Variants in DERA observed in about 807,000 individuals in gnomAD.
The protein encoded by DERA is 2-deoxy-D-ribose 5-phosphate aldolase.
A neutral mutation model predicts 41.1 loss-of-function variants in DERA; 15 were observed. The observed-to-expected ratio is 0.37, with a 90% confidence interval of 0.24 to 0.56. DERA has a LOEUF of 0.56. Ranked by LOEUF, DERA falls within the 20% of genes least tolerant of loss-of-function variation. The pLI, the probability that DERA is intolerant of heterozygous loss-of-function variation, is 0.81. For missense variants in DERA, 396 were observed against 403.4 expected (o/e 0.98, Z 0.16); for synonymous variants, 139 against 137.4 (o/e 1.01, Z -0.08).
intron 6 of DERA, among the ~76,000 whole-genome samples, 183 bp from the exon 7 acceptor site, chr12:16,032,359 G>A (rs1330574173): frequency 6.6e-6 from 1 of 152,074 alleles, no homozygotes; most frequent in African/African-American, 2.4e-5. Flanking sequence ...GATGGTAAGG[G>A]GGAAAAAGTA....
At chr12:16,018,927 G>T (rs1002256754) in intron 6 of DERA, among the ~76,000 whole-genome samples, 4 of 151,924 alleles carry the variant, frequency 2.6e-5, no homozygotes, top group African/African-American at 9.7e-5. Flanking sequence ...GAAATTGTGG[G>T]CACTGATGAA....
rs1163577728 is a variant in DERA, at chr12:15,921,222, C to A, written c.31+9808C>A. On this transcript the variant is annotated intron_variant, in intron 1 of 8. Transcript: ENST00000428559. The surrounding 1 kb of genome is among the most constrained non-coding windows in gnomAD (Gnocchi z 5.3). ...TCGGGGTGACGTAGTGAAGTAAGTGCATATATCTGAAAAGTGCACTGTGTC... is the reference window on the plus strand; with the variant it reads ...TCGGGGTGACGTAGTGAAGTAAGTGAATATATCTGAAAAGTGCACTGTGTC... 6.6e-6 allele frequency among the ~76,000 whole-genome samples: 1 copy of A among 152,054 alleles called. No homozygotes were observed. Among genetic ancestry groups the A allele is most frequent in the Non-Finnish European group, 1.5e-5 (1 of 67,996 alleles).
In DERA at chr12:15,996,368, G is replaced by A. The variant is rs1236947483; in HGVS notation, c.637+13932G>A. On this transcript the variant is annotated intron_variant, in intron 6 of 8. Coordinates refer to ENST00000428559, the MANE Select transcript of DERA (RefSeq NM_015954.4). The surrounding 1 kb of genome is among the most constrained non-coding windows in gnomAD (Gnocchi z 4.7). ...TGGAGGCCAGAAGCCCGCAGTCAGG[G>A]TGTCAGCAGGCTTATGCTCCCTCTG... Among the ~76,000 whole-genome samples, 1 of 152,106 alleles carries A rather than the reference G, an allele frequency of 6.6e-6. No homozygotes were observed. The highest frequency in any genetic ancestry group is 1.5e-5 in the Non-Finnish European group (1 of 68,026).
At position 15,994,243 on chromosome 12, in the gene DERA, C is replaced by T. The variant is rs1249715929; in HGVS notation, c.637+11807C>T. Among the ~76,000 whole-genome samples the T allele has an allele frequency of 6.6e-6, 1 of 152,160 alleles. No homozygotes were observed. The highest frequency in any genetic ancestry group is 1.5e-5 in the Non-Finnish European group (1 of 68,040). On this transcript the variant is annotated intron_variant, in intron 6 of 8. Transcript: ENST00000428559. This position sits in a 1 kb window ranked among gnomAD's most constrained non-coding sequence, Gnocchi z 4.8. ...GCATCAATGATATATCTGTAATCAA[C>T]TTGTATAGAAACCAATTTTTAAATA...
intron 1 of DERA, among the ~76,000 whole-genome samples, chr12:15,933,017 T>C (rs1039519244): frequency 6.6e-6 from 1 of 152,246 alleles, no homozygotes; most frequent in African/African-American, 2.4e-5. Context: ...TTTTCAAGGC[T>C]GAATAGTATT....
At position 15,989,693 on chromosome 12, in the gene DERA, C is replaced by G. The variant is rs1173813103; in HGVS notation, c.637+7257C>G. On this transcript the variant is annotated intron_variant, in intron 6 of 8. Coordinates refer to ENST00000428559, the MANE Select transcript of DERA (RefSeq NM_015954.4). The surrounding 1 kb of genome is among the most constrained non-coding windows in gnomAD (Gnocchi z 5.2). ...TAGAATCAGAATCTCAAAGGGAAACCATTTGTCATTACATTCATAACAATT... is the reference window on the plus strand; with the variant it reads ...TAGAATCAGAATCTCAAAGGGAAACGATTTGTCATTACATTCATAACAATT... 6.6e-6 allele frequency among the ~76,000 whole-genome samples: 1 copy of G among 152,122 alleles called. No homozygotes were observed. Among genetic ancestry groups the G allele is most frequent in the African/African-American group, 2.4e-5 (1 of 41,406 alleles).
chr12:15,929,628 C>T (rs779631717), intron 1 of DERA, among the ~76,000 whole-genome samples: 25 of 152,128 alleles, frequency 1.6e-4, no homozygotes, highest in East Asian at 1.2e-3. Flanking sequence ...TATTTAAGCA[C>T]AGAAAAAGGC....
At chr12:15,923,224 G>A (rs1384710529) in intron 1 of DERA, among the ~76,000 whole-genome samples, 4 of 151,138 alleles carry the variant, frequency 2.6e-5, no homozygotes, top group African/African-American at 9.7e-5. Context: ...GGGTTTCACC[G>A]TTTTAGCCGG....
At position 16,010,622 on chromosome 12, in the gene DERA, CAGA is replaced by C. The variant is rs1948941205; in HGVS notation, c.638-21917_638-21915del. Among the ~76,000 whole-genome samples, 1 of 151,898 alleles carries C rather than the reference CAGA, an allele frequency of 6.6e-6. No individual in the cohort carries two copies. The highest frequency in any genetic ancestry group is 6.6e-5 in the Admixed American group (1 of 15,230). On this transcript the variant is annotated intron_variant, in intron 6 of 8. Coordinates refer to ENST00000428559, the MANE Select transcript of DERA (RefSeq NM_015954.4). The surrounding 1 kb of genome is among the most constrained non-coding windows in gnomAD (Gnocchi z 5.5). Reference sequence around the variant, plus strand: ...TTTTAATGTGAAAATTGTTTATGAACAGAAGGAGAGAGGCTGCATTGTCTCTAT... The same window carrying C: ...TTTTAATGTGAAAATTGTTTATGAACAGGAGAGAGGCTGCATTGTCTCTAT...
In DERA at chr12:15,976,609, TC is replaced by T. The variant is rs1454040250; in HGVS notation, c.509-5698del. Among the ~76,000 whole-genome samples, 11 of 152,232 alleles carry T rather than the reference TC, an allele frequency of 7.2e-5. No homozygotes were observed. Among genetic ancestry groups the T allele is most frequent in the Non-Finnish European group, 1.5e-5 (1 of 68,038 alleles). ...CTTTCTAAATCAACAAGAGGCTCTT[TC>T]ATCTTAATTATAACAGCTTAAACTT... On this transcript the variant is annotated intron_variant, in intron 5 of 8. Coordinates refer to ENST00000428559, the MANE Select transcript of DERA (RefSeq NM_015954.4). The surrounding 1 kb of genome is among the most constrained non-coding windows in gnomAD (Gnocchi z 4.1).
At position 15,971,904 on chromosome 12, in the gene DERA, G is replaced by C. The variant is rs1948663458; in HGVS notation, c.508+8957G>C. On this transcript the variant is annotated intron_variant, in intron 5 of 8. Transcript: ENST00000428559. Reference sequence around the variant, plus strand: ...TTGGAGCACAGTCAATCTTCAGTGAGGGCAGATGTTTCCTAATTAAATTCC... The same window carrying C: ...TTGGAGCACAGTCAATCTTCAGTGACGGCAGATGTTTCCTAATTAAATTCC... 4 of 338,656 alleles carry C rather than the reference G, an allele frequency of 1.2e-5. No individual in the cohort carries two copies. The South Asian group carries it at 1.2e-4, about 10-fold the overall frequency. 21.0% of individuals were successfully genotyped at this position (338,656 alleles called of 1,614,324 possible). A position where few individuals can be genotyped will look rare whatever the true frequency, so the allele number is the denominator to read the frequency against.
intron 5 of DERA, among the ~76,000 whole-genome samples, chr12:15,977,357 T>C (rs895263264): frequency 1.1e-4 from 16 of 152,338 alleles, no homozygotes; most frequent in Admixed American, 9.1e-4. Context: ...AAATACAGTT[T>C]TATTCCACGT....
In DERA at chr12:15,915,137, A is replaced by C. The variant is rs1327436497; in HGVS notation, c.31+3723A>C. On this transcript the variant is annotated intron_variant, in intron 1 of 8. Coordinates refer to ENST00000428559, the MANE Select transcript of DERA (RefSeq NM_015954.4). The surrounding 1 kb of genome is among the most constrained non-coding windows in gnomAD (Gnocchi z 4.8). ...ACAGAGCTATTAATCGGTCTGGTTC[A>C]GGACCTGGACATCAAGCTAGAGCTA... is the stretch of plus-strand genomic sequence containing the variant. 1.3e-5 allele frequency among the ~76,000 whole-genome samples: 2 copies of C among 152,216 alleles called. No homozygotes were observed. The highest frequency in any genetic ancestry group is 4.8e-5 in the African/African-American group (2 of 41,458).
chr12:15,949,416 G>A lies in DERA; in HGVS notation c.32-7520G>A, dbSNP rs1307292015. On this transcript the variant is annotated intron_variant, in intron 1 of 8. Coordinates refer to ENST00000428559, the MANE Select transcript of DERA (RefSeq NM_015954.4). Reference sequence around the variant, plus strand: ...AGCAATGGCAGGCACCCCTCCCCCAGCCTCACTGCCACCTTGTAGTTTGAT... The same window carrying A: ...AGCAATGGCAGGCACCCCTCCCCCAACCTCACTGCCACCTTGTAGTTTGAT... Among the ~76,000 whole-genome samples, 9 of 152,152 alleles carry A rather than the reference G, an allele frequency of 5.9e-5. No individual in the cohort carries two copies. In the East Asian group the frequency reaches 1.7e-3, roughly 29 times the overall value.
intron 7 of DERA, among the ~76,000 whole-genome samples, chr12:16,034,014 G>T (rs545433475): frequency 6.6e-6 from 1 of 152,264 alleles, no homozygotes; most frequent in African/African-American, 2.4e-5. Flanking sequence ...TTGGTCCTCA[G>T]TTGAAACTAC....
rs1948244467 is a variant in DERA, at chr12:15,921,530, T to C, written c.31+10116T>C. On this transcript the variant is annotated intron_variant, in intron 1 of 8. Coordinates refer to ENST00000428559, the MANE Select transcript of DERA (RefSeq NM_015954.4). The surrounding 1 kb of genome is among the most constrained non-coding windows in gnomAD (Gnocchi z 5.3). ...GAAAGTAGGTTGTAACAATTCCTAT[T>C]GTATTTGGTGAAGGAGCTCAAGATC... 6.6e-6 allele frequency among the ~76,000 whole-genome samples: 1 copy of C among 152,298 alleles called. No individual in the cohort carries two copies. Among genetic ancestry groups the C allele is most frequent in the South Asian group, 2.1e-4 (1 of 4,832 alleles).
rs1948625948 is a variant in DERA, at chr12:15,966,738, C to T, written c.508+3791C>T. On this transcript the variant is annotated intron_variant, in intron 5 of 8. Transcript: ENST00000428559. This position sits in a 1 kb window ranked among gnomAD's most constrained non-coding sequence, Gnocchi z 5.1. ...TTGCAAGCTCCTTCACCTCCTCTGT[C>T]ATCCCTGAAGTGTCCATGTTTCTCA... Among the ~76,000 whole-genome samples the T allele has an allele frequency of 6.6e-6, 1 of 152,058 alleles. No individual in the cohort carries two copies. Among genetic ancestry groups the T allele is most frequent in the Admixed American group, 6.5e-5 (1 of 15,270 alleles).
In DERA at chr12:15,993,495, TA is replaced by T. The variant is rs796777302; in HGVS notation, c.637+11067del. 6.7e-6 allele frequency among the ~76,000 whole-genome samples: 1 copy of T among 149,306 alleles called. No individual in the cohort carries two copies. The highest frequency in any genetic ancestry group is 1.5e-5 in the Non-Finnish European group (1 of 67,338). ...GTGTTGTGGCCTTTTTTTTTTTTTT[TA>T]AAAAAAATAAGATCTTGCCTTTCAT... On this transcript the variant is annotated intron_variant, in intron 6 of 8. Coordinates refer to ENST00000428559, the MANE Select transcript of DERA (RefSeq NM_015954.4). The surrounding 1 kb of genome is among the most constrained non-coding windows in gnomAD (Gnocchi z 4.4).
chr12:15,928,323 C>G lies in DERA; in HGVS notation c.31+16909C>G, dbSNP rs1051426517. On this transcript the variant is annotated intron_variant, in intron 1 of 8. Transcript: ENST00000428559. This position sits in a 1 kb window ranked among gnomAD's most constrained non-coding sequence, Gnocchi z 4.6. ...ACCAAAATGAAGGTAGATATGAAAT[C>G]TACAGGTAATCTCTAAGTGTTATTT... is the stretch of plus-strand genomic sequence containing the variant. Among the ~76,000 whole-genome samples, 1 of 152,204 alleles carries G rather than the reference C, an allele frequency of 6.6e-6. No individual in the cohort carries two copies. Among genetic ancestry groups the G allele is most frequent in the African/African-American group, 2.4e-5 (1 of 41,458 alleles).
Sources: gnomAD v4.1 joint callset for allele counts (sites outside exome capture counted in the v4.1 genomes callset) on GRCh38, gnomAD v4.1.1 for gene constraint, Gnocchi (gnomAD v3.1) non-coding constraint, MANE v1.5 for transcripts, NCBI Gene and HGNC (gene_info 2026-07-23, HGNC 2026-07-21) for gene names.